FLNC: variants seen among roughly 807,000 people sequenced by gnomAD.
FLNC encodes the protein filamin C.
Under a neutral mutation model 254.3 loss-of-function variants are expected in FLNC, and 91 were observed. The ratio of observed to expected loss-of-function variants is 0.36; its 90% CI spans 0.30 to 0.43. FLNC has a LOEUF of 0.43. FLNC is among the 20% of genes least tolerant of loss of function. FLNC has a pLI of 1.00. For missense variants in FLNC, 2,853 were observed against 3,802.6 expected, an observed-to-expected ratio of 0.75 and a Z score of 6.57; for synonymous variants, 1,430 against 1,577.2, an observed-to-expected ratio of 0.91 and a Z score of 2.21.
chr7:128,835,240 C>A lies in FLNC; in HGVS notation c.353-86C>A. 6 of 1,592,422 alleles carry A rather than the reference C, an allele frequency of 3.8e-6. No individual in the cohort carries two copies. Among genetic ancestry groups the A allele is most frequent in the East Asian group, 2.2e-5 (1 of 44,732 alleles). ...GAGGCCTGACCCCAGAGCTCTGGCC[C>A]GAGGAGCTGCGCAGGTGAGGGAGGG... On this transcript the variant is annotated intron_variant, in intron 1 of 47. Transcript: ENST00000325888. This position sits in a 1 kb window ranked among gnomAD's most constrained non-coding sequence, Gnocchi z 5.3.
Position 128,849,551 on chromosome 7 carries a change from C to T in FLNC, c.5172C>T (p.His1724=). The change falls in exon 30 of 48, where the codon CAC becomes CAT. Residue 1724 remains histidine, a synonymous_variant. Transcript: ENST00000325888. ...TCACCATCCGCTTCGGGGGTGAGCA[C>T]ATCCCCAACAGCCCCTTCCACGTGC... ...YVITIRFGGE[H]IPNSPFHVLA... 6.2e-7 allele frequency: 1 copy of T among 1,614,106 alleles called. No homozygotes were observed. Among genetic ancestry groups the T allele is most frequent in the Non-Finnish European group, 8.5e-7 (1 of 1,180,030 alleles).
intron 1 of FLNC, among the ~76,000 whole-genome samples, chr7:128,834,855 G>A (rs1183711016): frequency 6.6e-6 from 1 of 152,152 alleles, no homozygotes; most frequent in African/African-American, 2.4e-5. Flanking sequence ...GGGAGTGATG[G>A]ATGGTACCTT....
chr7:128,840,761 G>A (rs1023406248), intron 10 of FLNC, 73 bp from the exon 11 acceptor site: 31 of 1,504,628 alleles, frequency 2.1e-5, no homozygotes, highest in Non-Finnish European at 2.6e-5. Context: ...AGTTTGAGGG[G>A]AGATGGAGTT....
chr7:128,841,493 A>G lies in FLNC; in HGVS notation c.2047A>G (p.Ile683Val). The change falls in exon 13 of 48, where the codon ATC becomes GTC. Residue 683 changes from isoleucine (I) to valine (V), a missense_variant. Physicochemically the swap from Ile to Val is conservative, Grantham distance 29 (BLOSUM62 3). This residue lies in a region of FLNC where 1,573 missense variants were observed against 1,883.5 expected (regional missense o/e 0.84). Coordinates refer to ENST00000325888, the MANE Select transcript of FLNC (RefSeq NM_001458.5). This position sits in a 1 kb window ranked among gnomAD's most constrained non-coding sequence, Gnocchi z 4.3. ...FGPGLEPTGC[I>V]VDKPAEFTID... ...GCCTGGCCTGGAGCCTACCGGCTGC[A>G]TCGTGGACAAGCCCGCTGAGTTCAC... 1.2e-6 allele frequency: 2 copies of G among 1,614,184 alleles called. No individual in the cohort carries two copies. Among genetic ancestry groups the G allele is most frequent in the Non-Finnish European group, 1.7e-6 (2 of 1,180,024 alleles).
Position 128,854,806 on chromosome 7 carries a change from C to T in FLNC, c.7029C>T (p.Gly2343=), listed in dbSNP as rs770236960. 2.9e-5 allele frequency: 47 copies of T among 1,614,006 alleles called. No individual in the cohort carries two copies. The highest frequency in any genetic ancestry group is 6.7e-5 in the Admixed American group (4 of 60,010). Residue 2343 remains glycine (G), a synonymous_variant, in exon 42 of 48, where the codon GGC becomes GGT. Transcript: ENST00000325888. ...AEFSIWTREA[G]AGGLSIAVEG... ...TCAGCATCTGGACCCGGGAGGCTGG[C>T]GCTGGGGGCCTGTCCATTGCTGTGG...
rs769675272 is a variant in FLNC, at chr7:128,852,946, C to T, written c.6123C>T (p.Ala2041=). The T allele has an allele frequency of 7.4e-6, 12 of 1,613,506 alleles. No individual in the cohort carries two copies. Among genetic ancestry groups the T allele is most frequent in the Non-Finnish European group, 9.3e-6 (11 of 1,180,044 alleles). The change falls in exon 37 of 48, where the codon GCC becomes GCT. Residue 2041 remains alanine, a synonymous_variant. Transcript: ENST00000325888. ...TGGGGCCATCTGAGATCGGGGACGCCAGCAAGGTGCGGGTCTGGGGCAAGG... is the reference window on the plus strand; with the variant it reads ...TGGGGCCATCTGAGATCGGGGACGCTAGCAAGGTGCGGGTCTGGGGCAAGG... The part of the protein sequence containing the change: ...ILVGPSEIGD[A]SKVRVWGKGL...
At chr7:128,844,534 G>T in intron 20 of FLNC, 124 bp from the exon 21 acceptor site, 2 of 1,011,456 alleles carry the variant, frequency 2.0e-6, no homozygotes, top group South Asian at 1.3e-5. Flanking sequence ...CATCACCTGG[G>T]ATTGTTATAA....
rs753832008 is a variant in FLNC at position 128,838,806 on chromosome 7, A to G, written c.1411+3A>G. 1.9e-6 allele frequency: 3 copies of G among 1,612,272 alleles called. No homozygotes were observed. The highest frequency in any genetic ancestry group is 3.3e-5 in the Admixed American group (2 of 60,004). ...CTTCCCTGTCCATGTGTCGGAAGGT[A>G]AGGGCCCTTCACTGCTCCCCACGGT... is the stretch of plus-strand genomic sequence containing the variant. On this transcript the variant is annotated splice_donor_region_variant and intron_variant, in intron 8 of 47. Transcript: ENST00000325888.
chr7:128,849,003 C>T (rs745970888), intron 28 of FLNC, 21 bp downstream of exon 28: 46 of 1,607,802 alleles, frequency 2.9e-5, no homozygotes, highest in Middle Eastern at 1.8e-4. Flanking sequence ...ACCCGCTGCC[C>T]GTGCCCTGCT....
chr7:128,845,896 A>AGGGAGAGGAGAGGGGAAGGAGG (rs1808542133), intron 21 of FLNC, 94 bp from the exon 22 acceptor site: 1 of 1,045,632 alleles, frequency 9.6e-7, no homozygotes, highest in African/African-American at 1.8e-5. Flanking sequence ...GGAAGAGGAG[A>AGGGAGAGGAGAGGGGAAGGAGG]GGGAGAGGAG....
At chr7:128,834,179 G>A (rs189523036) in intron 1 of FLNC, among the ~76,000 whole-genome samples, 52 of 152,334 alleles carry the variant, frequency 3.4e-4, no homozygotes, top group African/African-American at 1.2e-3. Flanking sequence ...TGAAAGCAGT[G>A]CTTTGGGAAG....
Position 128,852,627 on chromosome 7 carries a change from G to A in FLNC, c.5879G>A (p.Gly1960Asp). The A allele has an allele frequency of 2.5e-6, 4 of 1,613,306 alleles. No homozygotes were observed. The South Asian group carries it at 3.3e-5, about 13-fold the overall frequency. ...DSMRTSQLNV[G>D]TSTDVSLKIT... ...ATGAGGACCTCACAGCTGAATGTGG[G>A]CACCTCCACGGACGTGTCACTGAAG... Residue 1960 changes from glycine (G) to aspartate (D), a missense_variant, in exon 36 of 48, where the codon GGC (glycine) becomes GAC (aspartate). Physicochemically the swap from Gly to Asp is moderately conservative, Grantham distance 94. Coordinates refer to ENST00000325888, the MANE Select transcript of FLNC (RefSeq NM_001458.5).
rs1341981175 is a variant in FLNC at position 128,835,598 on chromosome 7, A to C, written c.601+24A>C. ...CGGTGAGTGGGCCAGTGAGCACAGC[A>C]TGGAGCCCTTAGCTCCCAAAGACAG... is the stretch of plus-strand genomic sequence containing the variant. On this transcript the variant is annotated intron_variant, in intron 2 of 47. Coordinates refer to ENST00000325888, the MANE Select transcript of FLNC (RefSeq NM_001458.5). This position sits in a 1 kb window ranked among gnomAD's most constrained non-coding sequence, Gnocchi z 5.3. 1 of 1,611,420 alleles carries C rather than the reference A, an allele frequency of 6.2e-7. No individual in the cohort carries two copies. Among genetic ancestry groups the C allele is most frequent in the Admixed American group, 1.7e-5 (1 of 60,020 alleles).
intron 16 of FLNC, 85 bp downstream of exon 16, chr7:128,843,039 G>C: frequency 6.5e-7 from 1 of 1,533,664 alleles, no homozygotes; most frequent in Non-Finnish European, 9.0e-7. Context: ...GGAACAGGGA[G>C]GGATGATTCC....
Position 128,846,906 on chromosome 7 carries a change from G to C in FLNC, c.4288+1G>C. On this transcript the variant is annotated splice_donor_variant, in intron 24 of 47. Transcript: ENST00000325888. LOFTEE classifies it high-confidence loss of function. ...ACCTTCGGGGGGCGGCCCATCCCAG[G>C]TGTGCAGAGAGAGTGGTCGGGGTCT... 1 of 1,614,184 alleles carries C rather than the reference G, an allele frequency of 6.2e-7. No homozygotes were observed. Among genetic ancestry groups the C allele is most frequent in the Non-Finnish European group, 8.5e-7 (1 of 1,180,032 alleles).
rs1207179287 is a variant in FLNC, at chr7:128,854,511, G to A, written c.6826G>A (p.Val2276Met). Residue 2276 changes from valine to methionine, a missense_variant, in exon 41 of 48, where the codon GTG becomes ATG. Val to Met is a conservative substitution (Grantham distance 21). Coordinates refer to ENST00000325888, the MANE Select transcript of FLNC (RefSeq NM_001458.5). ...CGAGGGCGAGGACAGCGCCTACAGC[G>A]TGCGCTTTGTGCCCCAGGAAATGGG... is the stretch of plus-strand genomic sequence containing the variant. ...IVEGEDSAYS[V>M]RFVPQEMGPH... is the part of the protein sequence containing the mutation. The A allele has an allele frequency of 1.9e-6, 3 of 1,605,028 alleles. No individual in the cohort carries two copies. Among genetic ancestry groups the A allele is most frequent in the East Asian group, 2.2e-5 (1 of 44,500 alleles).
rs369739262 is a variant in FLNC, at chr7:128,844,212, G to A, written c.3138G>A (p.Pro1046=). 215 of 1,612,202 alleles carry A rather than the reference G, an allele frequency of 1.3e-4. No individual in the cohort carries two copies. The South Asian group carries it at 2.1e-3, about 16-fold the overall frequency. ...YKVDITYDGH[P]VPGSPFAVEG... ...TGGATATCACCTACGATGGTCACCC[G>A]GTGCCTGGCAGCCCGTTTGCTGTGG... The change falls in exon 20 of 48, where the codon CCG becomes CCA. Residue 1046 remains proline (P), a synonymous_variant. Transcript: ENST00000325888.
rs1195176276 is a variant in FLNC, at chr7:128,844,723, C to A, written c.3258C>A (p.Asp1086Glu). The change falls in exon 21 of 48, where the codon GAC becomes GAA. Residue 1086 changes from aspartate (D) to glutamate (E), a missense_variant. Around this residue, in one of 10 missense-constraint regions of FLNC, gnomAD observed 1,573 missense variants for 1,883.5 expected, o/e 0.84. Coordinates refer to ENST00000325888, the MANE Select transcript of FLNC (RefSeq NM_001458.5). ...GCACCCCCGCGCCATTCTCCATCGA[C>A]ACCAAGGGGGCTGGCACAGGTGGCC... ...LVGTPAPFSIDTKGAGTGGLG... is the reference protein window; with the variant it reads ...LVGTPAPFSIETKGAGTGGLG... The A allele has an allele frequency of 1.9e-6, 3 of 1,613,788 alleles. No individual in the cohort carries two copies. Among genetic ancestry groups the A allele is most frequent in the Non-Finnish European group, 2.5e-6 (3 of 1,180,038 alleles).
At chr7:128,846,965 C>T in intron 24 of FLNC, 60 bp downstream of exon 24, 1 of 1,590,992 alleles carries the variant, frequency 6.3e-7, no homozygotes, top group Non-Finnish European at 8.6e-7. Flanking sequence ...GGATGCTCGC[C>T]CCACAAGGGG....
Sources: allele counts gnomAD v4.1 joint callset (sites outside exome capture counted in the v4.1 genomes callset), GRCh38; gene constraint gnomAD v4.1.1; regional missense constraint gnomAD v4.1.1; non-coding constraint Gnocchi (gnomAD v3.1); transcripts MANE v1.5; gene names NCBI Gene and HGNC (gene_info 2026-07-23, HGNC 2026-07-21).